The following PPEF1 variants were observed in gnomAD, a reference collection of about 807,000 sequenced individuals.
The protein encoded by PPEF1 is protein phosphatase with EF-hand domain 1, also known as serine/threonine-protein phosphatase with EF-hands 1.
Under a neutral mutation model 53.3 loss-of-function variants are expected in PPEF1, and 12 were observed. That is an observed-to-expected ratio of 0.23 (90% CI 0.14 to 0.36). PPEF1 has a LOEUF of 0.36. PPEF1 is among the 10% of genes least tolerant of loss of function. The pLI, the probability that PPEF1 is intolerant of heterozygous loss-of-function variation, is 1.00. For synonymous variants in PPEF1, 165 were observed against 176.7 expected, an observed-to-expected ratio of 0.93 and a Z score of 0.52; for missense variants, 334 against 490.4, an observed-to-expected ratio of 0.68 and a Z score of 3.01.
Position 18,701,059 on chromosome X carries a change from G to A in PPEF1, c.-123+624G>A, listed in dbSNP as rs142840755. 9.5e-3 allele frequency among the ~76,000 whole-genome samples: 1,060 copies of A among 111,255 alleles called. 22 individuals are homozygous for A. The highest frequency in any genetic ancestry group is 0.032 in the African/African-American group (998 of 30,777). On this transcript the variant is annotated intron_variant, in intron 6 of 21. Coordinates refer to the PPEF1 transcript ENST00000361511. ...CAGGGAGTGTGTTATTTGAGTCTCAGTTTTGTTCATCTGTAACATGGTGAT... is the reference window on the plus strand; with the variant it reads ...CAGGGAGTGTGTTATTTGAGTCTCAATTTTGTTCATCTGTAACATGGTGAT...
At chrX:18,778,025 A>G (rs980413049) in intron 6 of PPEF1, among the ~76,000 whole-genome samples, 16 of 111,605 alleles carry the variant, frequency 1.4e-4, no homozygotes, top group African/African-American at 5.2e-4. Flanking sequence ...GATTAAAGGT[A>G]TGAACCACCA....
intron 4 of PPEF1, chrX:18,691,314 G>A (rs1200922885): frequency 8.9e-6 from 1 of 112,069 alleles, no homozygotes; most frequent in Non-Finnish European, 1.9e-5. Context: ...TCACAGGACT[G>A]TGACTTTGGG....
intron 7 of PPEF1, among the ~76,000 whole-genome samples, chrX:18,781,681 C>T (rs2046088548): frequency 1.8e-5 from 2 of 111,533 alleles, no homozygotes; most frequent in Non-Finnish European, 1.9e-5. Context: ...ACATGATTTC[C>T]ATGGAAAGCC....
At chrX:18,796,854 G>T (rs1313413078) in intron 10 of PPEF1, among the ~76,000 whole-genome samples, 2 of 111,773 alleles carry the variant, frequency 1.8e-5, no homozygotes, top group Non-Finnish European at 3.8e-5. Flanking sequence ...AAGACTGAAG[G>T]TTAGAACAAG....
intron 10 of PPEF1, among the ~76,000 whole-genome samples, chrX:18,799,242 A>G (rs2046501033): frequency 9.3e-6 from 1 of 107,224 alleles, no homozygotes. Flanking sequence ...CAAAAAAAAA[A>G]AAAAATGACA....
At chrX:18,717,271 C>G (rs2044480357) in intron 1 of PPEF1, among the ~76,000 whole-genome samples, 2 of 108,312 alleles carry the variant, frequency 1.8e-5, no homozygotes, top group Non-Finnish European at 3.8e-5. Context: ...CAGCATGCAT[C>G]TACTAAAAGA....
chrX:18,730,673 C>T (rs151182441), intron 2 of PPEF1, among the ~76,000 whole-genome samples: 2 of 110,364 alleles, frequency 1.8e-5, no homozygotes, highest in Middle Eastern at 4.8e-3. Context: ...CAACAAACCT[C>T]TGCAAGCTCT....
At chrX:18,714,278 T>TTG (rs1299698926) in intron 1 of PPEF1, among the ~76,000 whole-genome samples, 1 of 36,685 alleles carries the variant, frequency 2.7e-5, no homozygotes, top group African/African-American at 6.1e-5. Context: ...CGTTTTTTTG[T>TTG]TTTTTTTTTT....
chrX:18,756,853 C>T (rs1333258680), intron 4 of PPEF1, among the ~76,000 whole-genome samples: 2 of 112,014 alleles, frequency 1.8e-5, no homozygotes, highest in Non-Finnish European at 3.8e-5. Flanking sequence ...TAAGTACTAC[C>T]AATGGACCAG....
chrX:18,698,572 G>A (rs1929864708), intron 5 of PPEF1, among the ~76,000 whole-genome samples: 1 of 111,820 alleles, frequency 8.9e-6, no homozygotes, highest in African/African-American at 3.3e-5. Context: ...ATCACCTGAG[G>A]CTAGGAGTTT....
At chrX:18,741,772 C>CTTTT (rs58971135) in intron 3 of PPEF1, among the ~76,000 whole-genome samples, 6 of 66,327 alleles carry the variant, frequency 9.0e-5, no homozygotes, top group African/African-American at 3.5e-4. Flanking sequence ...GCTGCTGCTT[C>CTTTT]TTTTTTTTTT....
intron 8 of PPEF1, 40 bp from the exon 9 acceptor site, chrX:18,783,859 C>G (rs748540069): frequency 1.4e-5 from 17 of 1,173,602 alleles, no homozygotes; most frequent in Non-Finnish European, 1.9e-5. Context: ...TAAACTGAAC[C>G]TGTCAGAAAA....
At chrX:18,807,204 T>C (rs1468611564) in intron 12 of PPEF1, among the ~76,000 whole-genome samples, 1 of 110,915 alleles carries the variant, frequency 9.0e-6, no homozygotes, top group Non-Finnish European at 1.9e-5. Flanking sequence ...TAACATTTTA[T>C]ATTTTTGGTA....
intron 4 of PPEF1, among the ~76,000 whole-genome samples, chrX:18,753,846 C>A (rs780094259): frequency 9.0e-6 from 1 of 111,004 alleles, no homozygotes; most frequent in African/African-American, 3.3e-5. Context: ...AAATTCGATG[C>A]GGTTTATTCT....
intron 3 of PPEF1, chrX:18,688,538 A>G (rs929781214): frequency 3.5e-5 from 4 of 112,747 alleles, no homozygotes; most frequent in African/African-American, 9.7e-5. Context: ...GTAAGAATTG[A>G]CAGCCCACTT....
intron 6 of PPEF1, among the ~76,000 whole-genome samples, chrX:18,702,212 T>C (rs924434354): frequency 3.6e-5 from 4 of 110,763 alleles, no homozygotes; most frequent in African/African-American, 1.3e-4. Flanking sequence ...CAGAATGCAA[T>C]AGGGTGAGCC....
At chrX:18,816,683 C>T (rs760168333) in intron 12 of PPEF1, among the ~76,000 whole-genome samples, 1 of 111,588 alleles carries the variant, frequency 9.0e-6, no homozygotes, top group East Asian at 2.8e-4. Flanking sequence ...CAGTTCTGTC[C>T]GTTTTTGCTT....
At chrX:18,707,553 A>G (rs2044226517), upstream of PPEF1, 1 of 382,481 alleles carries the variant, frequency 2.6e-6, no homozygotes, top group African/African-American at 2.5e-5. Flanking sequence ...CACATGATGA[A>G]CAGCGATTCA....
chrX:18,786,032 C>T (rs2046191195), intron 9 of PPEF1, among the ~76,000 whole-genome samples: 1 of 112,181 alleles, frequency 8.9e-6, no homozygotes, highest in Non-Finnish European at 1.9e-5. Context: ...TAGATTCTAA[C>T]CAAGAGCACA....
Sources: gnomAD v4.1 joint callset for allele counts (sites outside exome capture counted in the v4.1 genomes callset) on GRCh38, gnomAD v4.1.1 for gene constraint, MANE v1.5 for transcripts, NCBI Gene and HGNC (gene_info 2026-07-23, HGNC 2026-07-21) for gene names.